Variants in SRBD1 observed in about 807,000 individuals in gnomAD.
SRBD1 encodes the protein S1 RNA-binding domain-containing protein 1.
SRBD1 carries 88 observed loss-of-function variants against 115.3 expected under a neutral mutation model. That is an observed-to-expected ratio of 0.76 (90% confidence interval 0.64 to 0.91). The LOEUF (loss-of-function observed/expected upper bound fraction) is 0.91. Ranked by LOEUF, SRBD1 falls within the 40% of genes least tolerant of loss-of-function variation. The pLI is 0.00. For synonymous variants in SRBD1, 509 were observed against 407.7 expected, an observed-to-expected ratio of 1.25 and a Z score of -2.99; for missense variants, 1,385 against 1,177.4, an observed-to-expected ratio of 1.18 and a Z score of -2.58.
intron 15 of SRBD1, among the ~76,000 whole-genome samples, chr2:45,485,494 C>T (rs1390472429): frequency 6.6e-6 from 1 of 152,122 alleles, no homozygotes; most frequent in Admixed American, 6.5e-5. Context: ...TACACTCAAT[C>T]TTCCACTTTA....
intron 16 of SRBD1, among the ~76,000 whole-genome samples, chr2:45,458,769 T>C (rs552185732): frequency 1.3e-5 from 2 of 152,248 alleles, no homozygotes; most frequent in South Asian, 4.1e-4. Flanking sequence ...CCCTCTACAT[T>C]CCCTTAAGTC....
At chr2:45,401,777 G>T (rs1572595845) in intron 19 of SRBD1, among the ~76,000 whole-genome samples, 1 of 152,168 alleles carries the variant, frequency 6.6e-6, no homozygotes, top group East Asian at 1.9e-4. Context: ...TACAACTCAT[G>T]GGCCTTCTGG....
rs781749508 is a variant in SRBD1, at chr2:45,553,642, G to C, written c.1498C>G (p.Leu500Val). Residue 500 changes from leucine (L) to valine (V), a missense_variant, in exon 11 of 21, where the codon CTT (leucine) becomes GTT (valine). Coordinates refer to ENST00000263736, the MANE Select transcript of SRBD1 (RefSeq NM_018079.5). ...ATATACCTGAATTCTCTACAGAGAA[G>C]AGGATAAATAAGGCGTTTAAAGGAA... is the stretch of plus-strand genomic sequence containing the variant. ...NDSFKRLIYP[L>V]LCREFRAKLT... 4 of 1,597,048 alleles carry C rather than the reference G, an allele frequency of 2.5e-6. No homozygotes were observed. Among genetic ancestry groups the C allele is most frequent in the Admixed American group, 3.6e-5 (2 of 55,946 alleles).
chr2:45,598,970 A>AT (rs1242393154), intron 4 of SRBD1, among the ~76,000 whole-genome samples: 1 of 152,212 alleles, frequency 6.6e-6, no homozygotes, highest in Non-Finnish European at 1.5e-5. Flanking sequence ...AGTAAGACAT[A>AT]TAATTCTGGC....
intron 14 of SRBD1, among the ~76,000 whole-genome samples, chr2:45,495,283 A>G (rs1170605902): frequency 1.3e-5 from 2 of 152,212 alleles, no homozygotes; most frequent in Non-Finnish European, 2.9e-5. Flanking sequence ...AACTTCACAG[A>G]GATGACAAAC....
At chr2:45,502,378 A>C (rs1181726386) in intron 14 of SRBD1, among the ~76,000 whole-genome samples, 1 of 152,242 alleles carries the variant, frequency 6.6e-6, no homozygotes, top group Non-Finnish European at 1.5e-5. Context: ...AGACACATGC[A>C]CATGTATGTT....
intron 16 of SRBD1, among the ~76,000 whole-genome samples, chr2:45,470,241 GT>G (rs1222188461): frequency 3.3e-5 from 5 of 151,894 alleles, no homozygotes; most frequent in African/African-American, 1.2e-4. Context: ...TTTTTGATTT[GT>G]TTTTACATAG....
intron 5 of SRBD1, among the ~76,000 whole-genome samples, chr2:45,584,236 A>G (rs746418796): frequency 8.5e-5 from 13 of 152,256 alleles, no homozygotes; most frequent in Admixed American, 6.5e-5. Flanking sequence ...AACTGGGCAG[A>G]CAACCCTGCA....
At chr2:45,588,013 C>T (rs2104208519) in intron 4 of SRBD1, among the ~76,000 whole-genome samples, 1 of 152,316 alleles carries the variant, frequency 6.6e-6, no homozygotes. Flanking sequence ...AACCAGTCAA[C>T]TTGAACTGCA....
At chr2:45,504,894 G>C (rs901341253) in intron 14 of SRBD1, among the ~76,000 whole-genome samples, 7 of 152,084 alleles carry the variant, frequency 4.6e-5, no homozygotes, top group African/African-American at 1.7e-4. Flanking sequence ...TCCTCGTGAA[G>C]TCTTTAATAA....
chr2:45,581,806 C>T lies in SRBD1; in HGVS notation c.820G>A (p.Val274Ile). The T allele has an allele frequency of 6.2e-7, 1 of 1,610,364 alleles. No individual in the cohort carries two copies. Among genetic ancestry groups the T allele is most frequent in the South Asian group, 1.1e-5 (1 of 90,790 alleles). The change falls in exon 6 of 21, where the codon GTT (valine) becomes ATT (isoleucine). Residue 274 changes from valine to isoleucine, a missense_variant. By Grantham distance (29) the Val-to-Ile change is conservative. Transcript: ENST00000263736. ...ATTGTACTATGAACTTTCTTTGCAA[C>T]AGCCCTGAAAAGAGAAACTTTTGTA... ...VQQTLEELRA[V>I]AKKVHSTIQK...
chr2:45,423,406 A>T (rs1343947722), intron 16 of SRBD1, among the ~76,000 whole-genome samples: 1 of 152,228 alleles, frequency 6.6e-6, no homozygotes, highest in Non-Finnish European at 1.5e-5. Context: ...TACACAATGC[A>T]AAAACACATT....
chr2:45,413,985 T>C (rs1667684792), intron 18 of SRBD1, among the ~76,000 whole-genome samples: 1 of 152,052 alleles, frequency 6.6e-6, no homozygotes, highest in Non-Finnish European at 1.5e-5. Flanking sequence ...ATATCATGGA[T>C]AAACTTTACA....
intron 9 of SRBD1, chr2:45,569,209 T>C (rs1226698405): frequency 6.6e-6 from 1 of 152,180 alleles, no homozygotes; most frequent in Non-Finnish European, 1.5e-5. Flanking sequence ...AGAGGCAGGG[T>C]CCCACTGTTG....
intron 4 of SRBD1, among the ~76,000 whole-genome samples, chr2:45,594,092 T>C (rs1673813215): frequency 6.6e-6 from 1 of 152,212 alleles, no homozygotes; most frequent in African/African-American, 2.4e-5. Context: ...CCAATTTCTC[T>C]TATTTAATTT....
intron 16 of SRBD1, among the ~76,000 whole-genome samples, chr2:45,466,375 C>T (rs539959267): frequency 6.6e-6 from 1 of 152,194 alleles, no homozygotes; most frequent in African/African-American, 2.4e-5. Flanking sequence ...CAACCAGCTG[C>T]CTCCCTCTTC....
chr2:45,597,019 G>A (rs1673923294), intron 4 of SRBD1, among the ~76,000 whole-genome samples: 1 of 110,306 alleles, frequency 9.1e-6, no homozygotes, highest in Non-Finnish European at 2.1e-5. Flanking sequence ...CACACACACA[G>A]CCCTGGCAGC....
intron 17 of SRBD1, among the ~76,000 whole-genome samples, chr2:45,419,408 G>A (rs1667931156): frequency 1.3e-5 from 2 of 152,160 alleles, no homozygotes; most frequent in Admixed American, 6.5e-5. Context: ...TGAACCCTCA[G>A]AATTTATCTT....
intron 20 of SRBD1, among the ~76,000 whole-genome samples, chr2:45,389,925 T>C (rs954058778): frequency 3.3e-5 from 5 of 152,232 alleles, no homozygotes; most frequent in African/African-American, 1.2e-4. Flanking sequence ...TTAACAAATA[T>C]ACAAAGCTAA....
Sources: allele counts gnomAD v4.1 joint callset (sites outside exome capture counted in the v4.1 genomes callset), GRCh38; gene constraint gnomAD v4.1.1; transcripts MANE v1.5; gene names NCBI Gene and HGNC (gene_info 2026-07-23, HGNC 2026-07-21).